Variants in LRRC71 observed in about 807,000 individuals in gnomAD.
LRRC71 encodes leucine-rich repeat-containing protein 71.
LRRC71 carries 54 observed loss-of-function variants against 66.6 expected under a neutral mutation model. The observed-to-expected ratio is 0.81, with a 90% CI of 0.65 to 1.02. The LOEUF (loss-of-function observed/expected upper bound fraction) is 1.02. Among genes scored for constraint, LRRC71 ranks in the 50% least tolerant of loss-of-function variants. LRRC71 has a pLI of 0.00. For synonymous variants in LRRC71, 323 were observed against 303.9 expected, an observed-to-expected ratio of 1.06 and a Z score of -0.65; for missense variants, 724 against 718.0, an observed-to-expected ratio of 1.01 and a Z score of -0.10.
At chr1:156,921,760 C>G (rs992035360) in intron 1 of LRRC71, 37 of 453,638 alleles carry the variant, frequency 8.2e-5, no homozygotes, top group African/African-American at 3.6e-4. Context: ...CACACACACA[C>G]ACAGACATGG....
chr1:156,939,893 G>T, the LRRC71 span: 1 of 1,605,824 alleles, frequency 6.2e-7, no homozygotes. Context: ...CACAGGATCA[G>T]ATGTCGCAGG....
chr1:156,929,282 C>T lies in LRRC71; in HGVS notation c.999C>T (p.Pro333=), dbSNP rs200375836. Residue 333 remains proline (P), a splice_region_variant and synonymous_variant, in exon 10 of 15, where the codon CCC becomes CCT. Transcript: ENST00000337428. ...TTCCCTCCCATTTGTGAGCACAGCC[C>T]TCCTCCTCTCGACACGGGGACTCCA... ...EKGTQERSRS[P]SSSRHGDSKT... is the part of the protein sequence containing the mutation. 8.4e-5 allele frequency: 134 copies of T among 1,600,364 alleles called. No homozygotes were observed. The South Asian group carries it at 1.4e-3, about 16-fold the overall frequency.
the LRRC71 span, chr1:156,939,931 T>C: frequency 3.1e-6 from 5 of 1,597,916 alleles, no homozygotes; most frequent in Admixed American, 8.5e-5. Flanking sequence ...AACAGGGTGA[T>C]GTCTTCCCAG....
Position 156,927,213 on chromosome 1 carries a change from TGGAGG to T in LRRC71, c.609_613del (p.Gly204ProfsTer26). 1.2e-6 allele frequency: 2 copies of T among 1,613,130 alleles called. No homozygotes were observed. Among genetic ancestry groups the T allele is most frequent in the Non-Finnish European group, 1.7e-6 (2 of 1,179,588 alleles). On this transcript the variant is annotated frameshift_variant, in exon 6 of 15. Transcript: ENST00000337428. LOFTEE classifies it high-confidence loss of function. ...TCCCCTGCCCTCAGGAAGGTGTCTC[TGGAGG>T]GGAACCCACTGCCGGAGCAGTCCTA...
chr1:156,929,741 T>C lies in LRRC71; in HGVS notation c.1240+12T>C. ...GGCAGGCAAGGGGAGTAAGTGCGGG[T>C]GCCCCTGGGTGGCATCTTCCTGTGT... On this transcript the variant is annotated intron_variant, in intron 11 of 14. Coordinates refer to ENST00000337428, the MANE Select transcript of LRRC71 (RefSeq NM_144702.3). 6.4e-7 allele frequency: 1 copy of C among 1,551,740 alleles called. No individual in the cohort carries two copies. Among genetic ancestry groups the C allele is most frequent in the East Asian group, 2.4e-5 (1 of 41,078 alleles).
chr1:156,931,430 T>C (rs1225833526), intron 12 of LRRC71, among the ~76,000 whole-genome samples: 2 of 152,212 alleles, frequency 1.3e-5, no homozygotes, highest in East Asian at 3.9e-4. Context: ...GGCTGCTGAT[T>C]GTACTAGGAC....
chr1:156,920,827 G>A lies in LRRC71; in HGVS notation c.24G>A (p.Pro8=), dbSNP rs1046011204. Residue 8 remains proline (P), a synonymous_variant, in exon 1 of 15, where the codon CCG becomes CCA. Transcript: ENST00000337428. This position sits in a 1 kb window ranked among gnomAD's most constrained non-coding sequence, Gnocchi z 4.9. ...GCATGTCGAGCGAGCAGAGCGCGCC[G>A]GGGGCCTCACCCAGGGCCCCGCGTC... MSSEQSA[P]GASPRAPRPG... is the part of the protein sequence containing the mutation. The A allele has an allele frequency of 1.6e-5, 25 of 1,529,888 alleles. No homozygotes were observed. Among genetic ancestry groups the A allele is most frequent in the Non-Finnish European group, 1.3e-5 (15 of 1,137,002 alleles). 94.8% of individuals were successfully genotyped at this position (1,529,888 alleles called of 1,614,324 possible). A position where few individuals can be genotyped will look rare whatever the true frequency, so the allele number is the denominator to read the frequency against.
chr1:156,923,999 A>C lies in LRRC71; in HGVS notation c.211A>C (p.Thr71Pro), dbSNP rs1571029719. ...VLETDFAELC[T>P]RWGYTDFPKV... The stretch of plus-strand genomic sequence containing the variant: ...CGAGACCGACTTCGCCGAGCTCTGC[A>C]CGCGGTGGGGCTACACGGACTTCCC... Residue 71 changes from threonine to proline, a missense_variant, in exon 2 of 15, where the codon ACG becomes CCG. Transcript: ENST00000337428. 1 of 1,546,148 alleles carries C rather than the reference A, an allele frequency of 6.5e-7. No individual in the cohort carries two copies. Among genetic ancestry groups the C allele is most frequent in the South Asian group, 1.2e-5 (1 of 83,324 alleles).
the LRRC71 span, chr1:156,939,865 T>C: frequency 4.3e-6 from 7 of 1,610,722 alleles, no homozygotes; most frequent in Non-Finnish European, 5.1e-6. Flanking sequence ...TTCCATGGTG[T>C]GACCTGGCAG....
At chr1:156,925,077 A>G (rs958345015) in intron 5 of LRRC71, 62 bp downstream of exon 5, 3 of 1,490,050 alleles carry the variant, frequency 2.0e-6, no homozygotes, top group Non-Finnish European at 2.7e-6. Flanking sequence ...GTCAGAGGGG[A>G]GCAGTGTGGG....
At position 156,924,016 on chromosome 1, in the gene LRRC71, G is replaced by A. The variant is rs1003743654; in HGVS notation, c.228G>A (p.Thr76=). The A allele has an allele frequency of 1.3e-6, 2 of 1,548,188 alleles. No individual in the cohort carries two copies. Among genetic ancestry groups the A allele is most frequent in the Admixed American group, 2.0e-5 (1 of 50,726 alleles). ...FAELCTRWGY[T]DFPKVVNRPR... ...AGCTCTGCACGCGGTGGGGCTACAC[G>A]GACTTCCCCAAAGTTGTCAACCGGC... Residue 76 remains threonine, a synonymous_variant, in exon 2 of 15, where the codon ACG becomes ACA. Coordinates refer to ENST00000337428, the MANE Select transcript of LRRC71 (RefSeq NM_144702.3).
At chr1:156,928,659 C>A (rs1171244215) in intron 9 of LRRC71, among the ~76,000 whole-genome samples, 1 of 144,312 alleles carries the variant, frequency 6.9e-6, no homozygotes, top group African/African-American at 2.6e-5. Flanking sequence ...CAGTCTCTGC[C>A]TCCTGGGTTC....
intron 1 of LRRC71, among the ~76,000 whole-genome samples, chr1:156,921,392 A>G (rs1275839977): frequency 6.6e-6 from 1 of 152,224 alleles, no homozygotes; most frequent in African/African-American, 2.4e-5. Context: ...GTAGAATGGT[A>G]TAAGTAGAGG....
At chr1:156,921,561 T>A in intron 1 of LRRC71, 1 of 891,036 alleles carries the variant, frequency 1.1e-6, no homozygotes, top group East Asian at 1.2e-4. Context: ...GGGAAAAAGA[T>A]CTGATCATCC....
downstream of LRRC71, chr1:156,935,701 A>G: frequency 2.5e-6 from 1 of 393,446 alleles, no homozygotes; most frequent in Non-Finnish European, 4.6e-6. Context: ...GTGTACACAC[A>G]TATGTGGGGT....
At position 156,924,980 on chromosome 1, in the gene LRRC71, C is replaced by T; in HGVS notation, c.558C>T (p.Phe186=). The change falls in exon 5 of 15, where the codon TTC becomes TTT. Residue 186 remains phenylalanine, a synonymous_variant. Transcript: ENST00000337428. ...VGLTDKTLTT[F]IELLPLCSST... Reference sequence around the variant, plus strand: ...TGACCGATAAGACCCTGACCACCTTCATCGAGCTCCTGCCTCTCTGTTCAT... The same window carrying T: ...TGACCGATAAGACCCTGACCACCTTTATCGAGCTCCTGCCTCTCTGTTCAT... The T allele has an allele frequency of 1.3e-6, 2 of 1,551,704 alleles. No homozygotes were observed. Among genetic ancestry groups the T allele is most frequent in the South Asian group, 2.4e-5 (2 of 84,066 alleles).
intron 12 of LRRC71, among the ~76,000 whole-genome samples, chr1:156,931,629 G>GTTCGT (rs1175346185): frequency 6.6e-6 from 1 of 152,024 alleles, no homozygotes; most frequent in Non-Finnish European, 1.5e-5. Context: ...TATCATGTGC[G>GTTCGT]TTCACAGGAG....
chr1:156,930,356 G>T (rs1654179880), intron 11 of LRRC71, among the ~76,000 whole-genome samples, 173 bp from the exon 12 acceptor site: 1 of 151,364 alleles, frequency 6.6e-6, no homozygotes, highest in African/African-American at 2.4e-5. Context: ...GCCTCCCAAA[G>T]TGCTGGGATT....
chr1:156,929,510 A>G, intron 10 of LRRC71, 81 bp downstream of exon 10: 1 of 1,589,260 alleles, frequency 6.3e-7, no homozygotes, highest in Non-Finnish European at 8.6e-7. Context: ...TGGTGGAGGG[A>G]AGAAGGCCAC....
Sources: allele counts gnomAD v4.1 joint callset (sites outside exome capture counted in the v4.1 genomes callset), GRCh38; gene constraint gnomAD v4.1.1; non-coding constraint Gnocchi (gnomAD v3.1); transcripts MANE v1.5; gene names NCBI Gene and HGNC (gene_info 2026-07-23, HGNC 2026-07-21).